REPS1: variants seen among roughly 807,000 people sequenced by gnomAD.
The protein encoded by REPS1 is RALBP1 associated Eps domain containing 1, also known as ralBP1-associated Eps domain-containing protein 1.
A neutral mutation model predicts 100.9 loss-of-function variants in REPS1; 39 were observed. The ratio of observed to expected loss-of-function variants is 0.39; its 90% CI spans 0.30 to 0.50. The LOEUF is 0.50. Among genes scored for constraint, REPS1 ranks in the 20% least tolerant of loss-of-function variants. REPS1 has a pLI of 0.86. For missense variants in REPS1, 821 were observed against 968.5 expected (o/e 0.85, Z 2.02); for synonymous variants, 324 against 340.3 (o/e 0.95, Z 0.53).
chr6:138,926,415 C>T lies in REPS1; in HGVS notation c.1324G>A (p.Ala442Thr). Residue 442 changes from alanine (A) to threonine (T), a missense_variant, in exon 10 of 20, where the codon GCA becomes ACA. Ala to Thr is a moderately conservative substitution (Grantham distance 58). Around this residue, in one of 3 missense-constraint regions of REPS1, gnomAD observed 757 missense variants for 866.4 expected, o/e 0.87. Coordinates refer to ENST00000450536, the MANE Select transcript of REPS1 (RefSeq NM_001286611.2). ...QTLTQFDSNI[A>T]PADPDTAIVH... is the part of the protein sequence containing the mutation. ...GATTGACTTACAGGATCAGCTGGTG[C>T]AATGTTAGAATCAAATTGGGTCAGA... 2.5e-6 allele frequency: 4 copies of T among 1,611,196 alleles called. No homozygotes were observed. The highest frequency in any genetic ancestry group is 3.4e-6 in the Non-Finnish European group (4 of 1,177,796).
intron 1 of REPS1, among the ~76,000 whole-genome samples, chr6:138,948,839 C>CA (rs1392272263): frequency 6.6e-6 from 1 of 151,804 alleles, no homozygotes; most frequent in Non-Finnish European, 1.5e-5. Context: ...CACAGGACTT[C>CA]AAAAAAAGGA....
rs760985499 is a variant in REPS1 at position 138,943,501 on chromosome 6, T to C, written c.980+12A>G. ...CAACCCAGTTACCCAACTAATGATA[T>C]ACCACACTTACCAAATATGAGAAAG... On this transcript the variant is annotated intron_variant, in intron 7 of 19. Transcript: ENST00000450536. 7 of 1,539,222 alleles carry C rather than the reference T, an allele frequency of 4.5e-6. No homozygotes were observed. The highest frequency in any genetic ancestry group is 6.3e-6 in the Non-Finnish European group (7 of 1,114,704).
At chr6:138,913,769 T>G (rs1192139090) in intron 15 of REPS1, among the ~76,000 whole-genome samples, 1 of 152,226 alleles carries the variant, frequency 6.6e-6, no homozygotes, top group Non-Finnish European at 1.5e-5. Flanking sequence ...TAACTTGTTT[T>G]CCCCTGAGGA....
chr6:138,945,858 T>C (rs1782579247), intron 2 of REPS1, among the ~76,000 whole-genome samples, 161 bp from the exon 3 acceptor site: 1 of 152,198 alleles, frequency 6.6e-6, no homozygotes, highest in Admixed American at 6.5e-5. Context: ...ACCATCTCCC[T>C]TACATTATTT....
In REPS1 at chr6:138,904,301, G is replaced by A. The variant is rs1779506305; in HGVS notation, c.*763C>T. ...CTAAAGGTAAACTAGAAATCCTAAG[G>A]AATTTCCCTTTATTCTGGGAATAAC... is the stretch of plus-strand genomic sequence containing the variant. On this transcript the variant is annotated 3_prime_UTR_variant, in exon 20 of 20. Transcript: ENST00000450536. 6.6e-6 allele frequency: 1 copy of A among 152,058 alleles called. No homozygotes were observed. The highest frequency in any genetic ancestry group is 2.4e-5 in the African/African-American group (1 of 41,410). 9.4% of individuals were successfully genotyped at this position (152,058 alleles called of 1,614,324 possible). A position where few individuals can be genotyped will look rare whatever the true frequency, so the allele number is the denominator to read the frequency against.
rs765267438 is a variant in REPS1, at chr6:138,987,561, G to A, written c.122C>T (p.Ala41Val). The A allele has an allele frequency of 1.3e-6, 2 of 1,550,328 alleles. No homozygotes were observed. Among genetic ancestry groups the A allele is most frequent in the Non-Finnish European group, 1.7e-6 (2 of 1,146,490 alleles). The stretch of plus-strand genomic sequence containing the variant: ...GACCACGTCGTTCGGCAGCTGCGCG[G>A]CCCGGAACAGCTCCAGCACCCGCCC... Reference protein sequence around the residue: ...VNGRVLELFRAAQLPNDVVLQ... With the variant: ...VNGRVLELFRVAQLPNDVVLQ... Residue 41 changes from alanine to valine, a missense_variant, in exon 1 of 20, where the codon GCC becomes GTC. By Grantham distance (64) the Ala-to-Val change is moderately conservative. Coordinates refer to ENST00000450536, the MANE Select transcript of REPS1 (RefSeq NM_001286611.2).
intron 1 of REPS1, among the ~76,000 whole-genome samples, chr6:138,986,187 G>A (rs1238297627): frequency 6.6e-6 from 1 of 152,150 alleles, no homozygotes; most frequent in Admixed American, 6.5e-5. Context: ...GCAACAGAGA[G>A]CATATGTGGC....
chr6:138,936,789 A>G (rs907871936), intron 8 of REPS1, among the ~76,000 whole-genome samples: 9 of 152,240 alleles, frequency 5.9e-5, no homozygotes, highest in Admixed American at 5.2e-4. Flanking sequence ...ACATATAAGC[A>G]TGTTCACTGC....
At chr6:138,934,832 C>A (rs1781702801) in intron 8 of REPS1, among the ~76,000 whole-genome samples, 1 of 151,966 alleles carries the variant, frequency 6.6e-6, no homozygotes, top group African/African-American at 2.4e-5. Flanking sequence ...ATAACTTTAT[C>A]AAGGCAAAAA....
intron 13 of REPS1, 151 bp from the exon 14 acceptor site, chr6:138,916,127 T>G (rs1288656604): frequency 2.9e-6 from 2 of 683,470 alleles, no homozygotes; most frequent in African/African-American, 1.8e-5. Flanking sequence ...TAAATTAAGA[T>G]AGCACTGTTT....
intron 1 of REPS1, among the ~76,000 whole-genome samples, chr6:138,985,922 G>C (rs1055474960): frequency 6.6e-6 from 1 of 152,152 alleles, no homozygotes; most frequent in Non-Finnish European, 1.5e-5. Context: ...GAACAGAGAA[G>C]GCTTTTCCTT....
At chr6:138,952,834 G>GTT (rs532512918) in intron 1 of REPS1, among the ~76,000 whole-genome samples, 20 of 141,190 alleles carry the variant, frequency 1.4e-4, no homozygotes, top group African/African-American at 3.6e-4. Flanking sequence ...TTTTGTTTTT[G>GTT]TTTTTTTTTT....
chr6:138,958,333 A>G (rs1783527396), intron 1 of REPS1, among the ~76,000 whole-genome samples: 1 of 152,208 alleles, frequency 6.6e-6, no homozygotes, highest in Non-Finnish European at 1.5e-5. Context: ...GTTCTTGTGA[A>G]CTATCTGACT....
At chr6:138,957,131 A>C (rs754294816) in intron 1 of REPS1, among the ~76,000 whole-genome samples, 5 of 152,208 alleles carry the variant, frequency 3.3e-5, no homozygotes, top group Non-Finnish European at 7.3e-5. Flanking sequence ...CATTAAAGTA[A>C]GAGATTTTGC....
chr6:138,952,516 C>T (rs1416560064), intron 1 of REPS1, among the ~76,000 whole-genome samples: 1 of 152,046 alleles, frequency 6.6e-6, no homozygotes, highest in Non-Finnish European at 1.5e-5. Flanking sequence ...TCTCCTGCCT[C>T]AGCCTCCTGA....
rs759420899 is a variant in REPS1 at position 138,907,449 on chromosome 6, CT to C, written c.2322+45del. On this transcript the variant is annotated intron_variant, in intron 19 of 19. Coordinates refer to ENST00000450536, the MANE Select transcript of REPS1 (RefSeq NM_001286611.2). The stretch of plus-strand genomic sequence containing the variant: ...GGTCACATTCCTTCTCTTTAGGTTT[CT>C]TTACTAAGATAAGGAACATTATAAA... 211 of 1,362,346 alleles carry C rather than the reference CT, an allele frequency of 1.5e-4. 3 individuals carry two copies. In the South Asian group the frequency reaches 2.3e-3, roughly 15 times the overall value. 84.4% of individuals were successfully genotyped at this position (1,362,346 alleles called of 1,614,324 possible).
rs564454463 is a variant in REPS1, at chr6:138,920,560, T to G, written c.1427-244A>C. 4.6e-5 allele frequency among the ~76,000 whole-genome samples: 7 copies of G among 152,360 alleles called. No individual in the cohort carries two copies. In the South Asian group the frequency reaches 1.4e-3, roughly 32 times the overall value. ...TTTATTTGCATGTTCACACTTAATT[T>G]TATTCCTGCAGCACACTTAAACACT... On this transcript the variant is annotated intron_variant, in intron 11 of 19. Transcript: ENST00000450536.
At chr6:138,915,112 T>A in intron 14 of REPS1, 1 of 222,474 alleles carries the variant, frequency 4.5e-6, no homozygotes. Flanking sequence ...AACACTTCAC[T>A]TTTCCTCACC....
intron 1 of REPS1, among the ~76,000 whole-genome samples, chr6:138,964,744 C>T (rs945316511): frequency 1.3e-5 from 2 of 151,394 alleles, no homozygotes; most frequent in Non-Finnish European, 3.0e-5. Context: ...AAAAAAAAAC[C>T]CTAGAAATGT....
Sources: gnomAD v4.1 joint callset for allele counts (sites outside exome capture counted in the v4.1 genomes callset) on GRCh38, gnomAD v4.1.1 for gene constraint, gnomAD v4.1.1 regional missense constraint, MANE v1.5 for transcripts, NCBI Gene and HGNC (gene_info 2026-07-23, HGNC 2026-07-21) for gene names.